Variants in PTPRD observed in about 807,000 individuals in gnomAD.
The protein encoded by PTPRD is receptor-type tyrosine-protein phosphatase delta.
PTPRD carries 34 observed loss-of-function variants against 214.5 expected under a neutral mutation model. That is an observed-to-expected ratio of 0.16 (90% CI 0.12 to 0.21). PTPRD has a LOEUF of 0.21. Ranked by LOEUF, PTPRD falls within the 10% of genes least tolerant of loss-of-function variation. PTPRD has a pLI of 1.00. For synonymous variants in PTPRD, 1,128 were observed against 845.7 expected (o/e 1.33, Z -5.79); for missense variants, 2,545 against 2,398.7 (o/e 1.06, Z -1.27).
chr9:8,510,081 C>G (rs34335534), intron 21 of PTPRD, among the ~76,000 whole-genome samples: 1 of 151,732 alleles, frequency 6.6e-6, no homozygotes, highest in Non-Finnish European at 1.5e-5. Flanking sequence ...GTCAGGGGTT[C>G]GAGACCAGCC....
At chr9:8,802,927 C>G (rs1023163836) in intron 11 of PTPRD, among the ~76,000 whole-genome samples, 1 of 152,066 alleles carries the variant, frequency 6.6e-6, no homozygotes, top group South Asian at 2.1e-4. Flanking sequence ...TGGCACACAC[C>G]TGTAGTCTCA....
chr9:10,268,505 G>A (rs1231350468), intron 3 of PTPRD, among the ~76,000 whole-genome samples: 2 of 151,918 alleles, frequency 1.3e-5, no homozygotes, highest in Non-Finnish European at 1.5e-5. Flanking sequence ...TGGCATTCAA[G>A]GCTAACAATC....
chr9:9,777,589 T>G (rs2154486924), intron 5 of PTPRD, among the ~76,000 whole-genome samples: 1 of 152,144 alleles, frequency 6.6e-6, no homozygotes, highest in Non-Finnish European at 1.5e-5. Flanking sequence ...TCCCAGCTAC[T>G]CAAGAGCCGG....
At chr9:8,611,865 T>C (rs2095462788) in intron 14 of PTPRD, among the ~76,000 whole-genome samples, 1 of 147,916 alleles carries the variant, frequency 6.8e-6, no homozygotes, top group South Asian at 2.2e-4. Context: ...CATTATCACT[T>C]CCAGAAAGAT....
At chr9:8,735,042 C>G (rs919327322) in intron 11 of PTPRD, among the ~76,000 whole-genome samples, 1 of 151,962 alleles carries the variant, frequency 6.6e-6, no homozygotes, top group Non-Finnish European at 1.5e-5. Flanking sequence ...CCCCTGGAAG[C>G]CTTCTTAGAA....
At chr9:9,990,447 G>A (rs746469155) in intron 4 of PTPRD, among the ~76,000 whole-genome samples, 10 of 152,140 alleles carry the variant, frequency 6.6e-5, no homozygotes, top group South Asian at 2.1e-4. Flanking sequence ...GGGGCTTGGC[G>A]GCTCCCCTCC....
intron 5 of PTPRD, among the ~76,000 whole-genome samples, chr9:9,792,396 G>A (rs1438152979): frequency 5.9e-5 from 9 of 152,106 alleles, no homozygotes; most frequent in African/African-American, 1.7e-4. Context: ...ATCTTTAAGA[G>A]CTTTTTCATT....
rs1255508387 is a variant in PTPRD, at chr9:9,498,993, C to G, written c.-237+75739G>C. On this transcript the variant is annotated intron_variant, in intron 8 of 45. Coordinates refer to ENST00000381196, the MANE Select transcript of PTPRD (RefSeq NM_002839.4). Reference sequence around the variant, plus strand: ...ACTTGCTCTTGCTGTCTCACTCTTGCTCTCCCTCTCTTTATCAATTGTTTC... The same window carrying G: ...ACTTGCTCTTGCTGTCTCACTCTTGGTCTCCCTCTCTTTATCAATTGTTTC... Among the ~76,000 whole-genome samples, 3 of 152,004 alleles carry G rather than the reference C, an allele frequency of 2.0e-5. 1 individual carries two copies. Among genetic ancestry groups the G allele is most frequent in the Admixed American group, 2.0e-4 (3 of 15,252 alleles).
rs118073332 is a variant in PTPRD, at chr9:10,272,414, C to T, written c.-545+68549G>A. Reference sequence around the variant, plus strand: ...TAAAGAGTGCATCTGTGAACATTTACGTACAAATTTTGGGGTGGACATATG... The same window carrying T: ...TAAAGAGTGCATCTGTGAACATTTATGTACAAATTTTGGGGTGGACATATG... On this transcript the variant is annotated intron_variant, in intron 3 of 45. Transcript: ENST00000381196. Among the ~76,000 whole-genome samples, 839 of 152,186 alleles carry T rather than the reference C, an allele frequency of 5.5e-3. 8 individuals carry two copies. Among genetic ancestry groups the T allele is most frequent in the East Asian group, 0.033 (169 of 5,176 alleles).
At chr9:10,418,369 G>C (rs1372891148) in intron 2 of PTPRD, among the ~76,000 whole-genome samples, 1 of 151,004 alleles carries the variant, frequency 6.6e-6, no homozygotes, top group Admixed American at 6.6e-5. Flanking sequence ...TAATTAAACA[G>C]AAAGTAGGAT....
Position 8,492,283 on chromosome 9 carries a change from A to G in PTPRD, c.2467+579T>C, listed in dbSNP as rs934799117. On this transcript the variant is annotated intron_variant, in intron 27 of 45. Coordinates refer to ENST00000381196, the MANE Select transcript of PTPRD (RefSeq NM_002839.4). ...TCTAAGGGGATTTGTTTTCCAGGGAAGTTGACATTGTTGCTTGACTTCCCT... is the reference window on the plus strand; with the variant it reads ...TCTAAGGGGATTTGTTTTCCAGGGAGGTTGACATTGTTGCTTGACTTCCCT... Among the ~76,000 whole-genome samples, 4 of 152,220 alleles carry G rather than the reference A, an allele frequency of 2.6e-5. No homozygotes were observed. The South Asian group carries it at 8.3e-4, about 32-fold the overall frequency.
intron 8 of PTPRD, among the ~76,000 whole-genome samples, chr9:9,445,308 T>C (rs934144672): frequency 1.3e-5 from 2 of 152,154 alleles, no homozygotes; most frequent in African/African-American, 4.8e-5. Flanking sequence ...TTAAAGCTAG[T>C]CAGTTATGCA....
At chr9:10,170,189 T>C (rs1220685915) in intron 3 of PTPRD, among the ~76,000 whole-genome samples, 1 of 152,150 alleles carries the variant, frequency 6.6e-6, no homozygotes, top group East Asian at 1.9e-4. Context: ...TAGCTCAGAA[T>C]CTGATCCTGA....
intron 10 of PTPRD, among the ~76,000 whole-genome samples, chr9:9,141,933 C>T (rs1354629967): frequency 1.3e-5 from 2 of 152,170 alleles, no homozygotes; most frequent in Non-Finnish European, 2.9e-5. Flanking sequence ...CTCATGTCCC[C>T]TTTCTACCAG....
chr9:9,758,671 A>T (rs1187013125), intron 6 of PTPRD, among the ~76,000 whole-genome samples: 1 of 152,048 alleles, frequency 6.6e-6, no homozygotes, highest in Non-Finnish European at 1.5e-5. Context: ...GACAGACAGC[A>T]GGGAAGCAGA....
intron 8 of PTPRD, among the ~76,000 whole-genome samples, chr9:9,529,493 G>T (rs1182667802): frequency 6.6e-6 from 1 of 152,066 alleles, no homozygotes; most frequent in Non-Finnish European, 1.5e-5. Flanking sequence ...CACTAATGAA[G>T]TTATATGAAT....
intron 44 of PTPRD, among the ~76,000 whole-genome samples, chr9:8,325,974 G>C (rs931481636): frequency 1.3e-5 from 2 of 152,198 alleles, no homozygotes; most frequent in Admixed American, 6.5e-5. Flanking sequence ...TTTGGGATGA[G>C]ATGATGGGGT....
intron 5 of PTPRD, among the ~76,000 whole-genome samples, chr9:9,817,731 G>C (rs571457918): frequency 3.3e-5 from 5 of 152,192 alleles, no homozygotes; most frequent in Non-Finnish European, 2.9e-5. Flanking sequence ...GAAAAACAAA[G>C]AGGATAACTG....
intron 39 of PTPRD, among the ~76,000 whole-genome samples, chr9:8,349,087 C>G (rs977229871): frequency 6.6e-6 from 1 of 152,022 alleles, no homozygotes; most frequent in African/African-American, 2.4e-5. Flanking sequence ...ATAGGAAGCC[C>G]TCTCCCAGAT....
Sources: allele counts gnomAD v4.1 joint callset (sites outside exome capture counted in the v4.1 genomes callset), GRCh38; gene constraint gnomAD v4.1.1; transcripts MANE v1.5; gene names NCBI Gene and HGNC (gene_info 2026-07-23, HGNC 2026-07-21).